The following RFX4 variants were observed in gnomAD, a reference collection of about 807,000 sequenced individuals.
RFX4 encodes transcription factor RFX4.
Under a neutral mutation model 95.0 loss-of-function variants are expected in RFX4, and 10 were observed. The ratio of observed to expected loss-of-function variants is 0.11; its 90% CI spans 0.06 to 0.18. The LOEUF is 0.18. Among genes scored for constraint, RFX4 ranks in the 10% least tolerant of loss-of-function variants. RFX4 has a pLI of 1.00. For missense variants in RFX4, 640 were observed against 922.0 expected, an observed-to-expected ratio of 0.69 and a Z score of 3.96; for synonymous variants, 321 against 340.7, an observed-to-expected ratio of 0.94 and a Z score of 0.64.
rs1026305758 is a variant in RFX4, at chr12:106,715,492, C to A, written c.1086C>A (p.Thr362=). The A allele has an allele frequency of 4.3e-6, 7 of 1,614,050 alleles. No homozygotes were observed. The highest frequency in any genetic ancestry group is 1.6e-4 in the Middle Eastern group (1 of 6,084). Residue 362 remains threonine, a synonymous_variant, in exon 11 of 18, where the codon ACC becomes ACA. Transcript: ENST00000392842. The stretch of plus-strand genomic sequence containing the variant: ...ACCTGAACAGCATCACCAAGCAAAC[C>A]CTTTACACCATGGAAGACTCTCGCG... The part of the protein sequence containing the change: ...NVDLNSITKQ[T]LYTMEDSRDE...
chr12:106,761,530 C>G lies in RFX4; in HGVS notation c.*61C>G. 8.4e-7 allele frequency: 1 copy of G among 1,186,264 alleles called. No homozygotes were observed. The highest frequency in any genetic ancestry group is 1.1e-6 in the Non-Finnish European group (1 of 930,206). 73.5% of individuals were successfully genotyped at this position (1,186,264 alleles called of 1,614,324 possible). A position where few individuals can be genotyped will look rare whatever the true frequency, so the allele number is the denominator to read the frequency against. On this transcript the variant is annotated 3_prime_UTR_variant, in exon 18 of 18. Transcript: ENST00000392842. ...TAATAATTAATAATAATAATAAACC[C>G]AACACCCATCCCCCAGAAGACTTTA...
At chr12:106,738,667 T>G (rs2042754440) in intron 15 of RFX4, among the ~76,000 whole-genome samples, 1 of 152,234 alleles carries the variant, frequency 6.6e-6, no homozygotes, top group African/African-American at 2.4e-5. Context: ...TCATCCTATA[T>G]AAGACTATGT....
chr12:106,700,407 T>C (rs559734884), intron 8 of RFX4, among the ~76,000 whole-genome samples: 66 of 142,904 alleles, frequency 4.6e-4, no homozygotes, highest in Middle Eastern at 3.5e-3. Flanking sequence ...CTTTTTCTTT[T>C]TTTTTTTTTT....
intron 1 of RFX4, among the ~76,000 whole-genome samples, chr12:106,604,117 T>C (rs919768312): frequency 1.2e-4 from 15 of 124,402 alleles, no homozygotes; most frequent in East Asian, 4.1e-4. Context: ...TTCTCTCTCT[T>C]TTTTTTTTTT....
chr12:106,621,898 G>A (rs530547705), intron 2 of RFX4, among the ~76,000 whole-genome samples: 7 of 152,298 alleles, frequency 4.6e-5, no homozygotes, highest in African/African-American at 1.7e-4. Flanking sequence ...TTCAAGGCTT[G>A]TAGTTCCTCT....
Position 106,747,725 on chromosome 12 carries a change from C to T in RFX4, c.1796+126C>T, listed in dbSNP as rs546778791. 3.8e-4 allele frequency: 379 copies of T among 1,002,164 alleles called. 2 individuals are homozygous for T. The East Asian group carries it at 7.9e-3, about 21-fold the overall frequency. 62.1% of individuals were successfully genotyped at this position (1,002,164 alleles called of 1,614,324 possible). A position where few individuals can be genotyped will look rare whatever the true frequency, so the allele number is the denominator to read the frequency against. ...AAGGTGGGCCTTGAAGTCAGGAGTT[C>T]GAGACCAGCCTGGCCAACGTGGTGA... is the stretch of plus-strand genomic sequence containing the variant. On this transcript the variant is annotated intron_variant, in intron 16 of 17. Transcript: ENST00000392842.
chr12:106,644,712 A>G (rs1307616925), intron 3 of RFX4, among the ~76,000 whole-genome samples: 1 of 152,192 alleles, frequency 6.6e-6, no homozygotes, highest in Non-Finnish European at 1.5e-5. Context: ...GGATTGCAAA[A>G]TTACCCATCA....
intron 15 of RFX4, chr12:106,733,325 A>C (rs910636301): frequency 2.3e-5 from 9 of 388,626 alleles, no homozygotes; most frequent in Non-Finnish European, 4.1e-5. Flanking sequence ...TCTCAAAAAA[A>C]GAAAAACAGG....
intron 13 of RFX4, among the ~76,000 whole-genome samples, chr12:106,727,122 G>C (rs2042515370): frequency 6.6e-6 from 1 of 152,010 alleles, no homozygotes; most frequent in African/African-American, 2.4e-5. Flanking sequence ...AACACTAGCA[G>C]ATCAAATTTA....
chr12:106,606,516 A>G (rs550345055), intron 1 of RFX4, among the ~76,000 whole-genome samples: 1 of 152,200 alleles, frequency 6.6e-6, no homozygotes, highest in African/African-American at 2.4e-5. Flanking sequence ...GTGTAACCAG[A>G]TGTGCGTTTG....
At position 106,608,875 on chromosome 12, in the gene RFX4, A is replaced by T. The variant is rs775265682; in HGVS notation, c.122A>T (p.Asn41Ile). 3 of 1,610,520 alleles carry T rather than the reference A, an allele frequency of 1.9e-6. No homozygotes were observed. Among genetic ancestry groups the T allele is most frequent in the South Asian group, 1.1e-5 (1 of 89,754 alleles). Residue 41 changes from asparagine to isoleucine, a missense_variant, in exon 2 of 18, where the codon AAT becomes ATT. By Grantham distance (149) the Asn-to-Ile change is moderately radical. Transcript: ENST00000392842. ...CACACATCTCTGGGGAATGTTTCTAATGATGAAAGTAAGTGCTTGAAACTC... is the reference window on the plus strand; with the variant it reads ...CACACATCTCTGGGGAATGTTTCTATTGATGAAAGTAAGTGCTTGAAACTC... ...SSHTSLGNVSNDENEEKENNR... is the reference protein window; with the variant it reads ...SSHTSLGNVSIDENEEKENNR...
In RFX4 at chr12:106,624,897, C is replaced by T. The variant is rs1036360516; in HGVS notation, c.131-14435C>T. ...CCTGCCATAGAGTGTATCTCTGGACCGGGCCAATTGAAAAAATGCCTTCTC... is the reference window on the plus strand; with the variant it reads ...CCTGCCATAGAGTGTATCTCTGGACTGGGCCAATTGAAAAAATGCCTTCTC... On this transcript the variant is annotated intron_variant, in intron 2 of 17. Transcript: ENST00000392842. Among the ~76,000 whole-genome samples, 3 of 151,806 alleles carry T rather than the reference C, an allele frequency of 2.0e-5. No homozygotes were observed. In the South Asian group the frequency reaches 6.3e-4, roughly 32 times the overall value.
chr12:106,583,187 G>T lies in RFX4; in HGVS notation c.-134G>T. On this transcript the variant is annotated 5_prime_UTR_variant, in exon 1 of 18. Transcript: ENST00000392842. ...TTTTCCTTTCCTCCTTTATCCTTGTGCCCCCTCACTTTCTGCGTCTCTCTC... is the reference window on the plus strand; with the variant it reads ...TTTTCCTTTCCTCCTTTATCCTTGTTCCCCCTCACTTTCTGCGTCTCTCTC... 4 of 700,652 alleles carry T rather than the reference G, an allele frequency of 5.7e-6. No individual in the cohort carries two copies. Among genetic ancestry groups the T allele is most frequent in the Admixed American group, 3.1e-5 (1 of 32,158 alleles). 43.4% of individuals were successfully genotyped at this position (700,652 alleles called of 1,614,324 possible).
intron 5 of RFX4, 84 bp from the exon 6 acceptor site, chr12:106,686,800 A>C: frequency 7.5e-7 from 1 of 1,335,340 alleles, no homozygotes; most frequent in East Asian, 2.3e-5. Context: ...CTCCCTACTC[A>C]GGAAACCTCA....
chr12:106,733,871 A>G (rs1261584282), intron 15 of RFX4, among the ~76,000 whole-genome samples: 3 of 152,248 alleles, frequency 2.0e-5, no homozygotes, highest in Non-Finnish European at 2.9e-5. Context: ...ATGTTTGTAC[A>G]TCAGTGTTCC....
intron 8 of RFX4, among the ~76,000 whole-genome samples, chr12:106,698,324 T>C (rs2137456559): frequency 6.6e-6 from 1 of 152,042 alleles, no homozygotes; most frequent in African/African-American, 2.4e-5. Context: ...TGGGCTGGAG[T>C]GCAGTGGTGC....
At position 106,720,949 on chromosome 12, in the gene RFX4, C is replaced by A; in HGVS notation, c.1351+73C>A. Reference sequence around the variant, plus strand: ...GCACGGAGCCCAGAGGAATCTACCACAGTCTAACTTGCTGTTTCTGCAAGG... The same window carrying A: ...GCACGGAGCCCAGAGGAATCTACCAAAGTCTAACTTGCTGTTTCTGCAAGG... On this transcript the variant is annotated intron_variant, in intron 13 of 17. Transcript: ENST00000392842. This position sits in a 1 kb window ranked among gnomAD's most constrained non-coding sequence, Gnocchi z 4.2. The A allele has an allele frequency of 7.7e-7, 1 of 1,293,390 alleles. No homozygotes were observed. The highest frequency in any genetic ancestry group is 1.2e-5 in the South Asian group (1 of 84,258). The allele number at this position is 1,293,390 out of a possible 1,614,324, so 80.1% of individuals were successfully genotyped here. A position where few individuals can be genotyped will look rare whatever the true frequency, so the allele number is the denominator to read the frequency against.
intron 1 of RFX4, among the ~76,000 whole-genome samples, chr12:106,592,820 G>A (rs146964220): frequency 3.8e-4 from 58 of 152,250 alleles, no homozygotes; most frequent in African/African-American, 1.4e-3. Flanking sequence ...TTTAACGTGA[G>A]GATAAAACGT....
chr12:106,741,810 G>A (rs1387562457), intron 15 of RFX4, among the ~76,000 whole-genome samples: 1 of 152,160 alleles, frequency 6.6e-6, no homozygotes, highest in East Asian at 1.9e-4. Context: ...AAGAGGTGGG[G>A]GGGATGGTTT....
Sources: gnomAD v4.1 joint callset for allele counts (sites outside exome capture counted in the v4.1 genomes callset) on GRCh38, gnomAD v4.1.1 for gene constraint, Gnocchi (gnomAD v3.1) non-coding constraint, MANE v1.5 for transcripts, NCBI Gene and HGNC (gene_info 2026-07-23, HGNC 2026-07-21) for gene names.